The following PTDSS1 variants were observed in gnomAD, a reference collection of about 807,000 sequenced individuals.
PTDSS1 encodes PSS-1.
PTDSS1 carries 45 observed loss-of-function variants against 70.5 expected under a neutral mutation model. The ratio of observed to expected loss-of-function variants is 0.64; its 90% confidence interval spans 0.50 to 0.82. The LOEUF is 0.82. Among genes scored for constraint, PTDSS1 ranks in the 40% least tolerant of loss-of-function variants. The probability of loss-of-function intolerance (pLI) is 0.00; values close to 1 mark genes in which losing one functional copy is unlikely to be tolerated. For synonymous variants in PTDSS1, 188 were observed against 203.8 expected (o/e 0.92, Z 0.66); for missense variants, 417 against 586.1 (o/e 0.71, Z 2.98).
At chr8:96,298,271 A>C (rs1401494362) in intron 5 of PTDSS1, among the ~76,000 whole-genome samples, 1 of 152,094 alleles carries the variant, frequency 6.6e-6, no homozygotes, top group South Asian at 2.1e-4. Flanking sequence ...AAAATTCCTC[A>C]TATTTATAAT....
chr8:96,284,616 G>T (rs998825605), intron 3 of PTDSS1, among the ~76,000 whole-genome samples: 2 of 152,182 alleles, frequency 1.3e-5, no homozygotes, highest in African/African-American at 4.8e-5. Context: ...ACCCTAATTT[G>T]AACTAAGGGT....
chr8:96,262,368 C>T lies in PTDSS1; in HGVS notation c.179+149C>T, dbSNP rs1041555070. ...ACGCACTGGCAGCCCGCCGCCCACG[C>T]GGCCCCTCCGCCCGCCCGGTGTCTC... is the stretch of plus-strand genomic sequence containing the variant. On this transcript the variant is annotated intron_variant, in intron 1 of 12. Coordinates refer to ENST00000517309, the MANE Select transcript of PTDSS1 (RefSeq NM_014754.3). This position sits in a 1 kb window ranked among gnomAD's most constrained non-coding sequence, Gnocchi z 4.4. 1 of 1,077,976 alleles carries T rather than the reference C, an allele frequency of 9.3e-7. No homozygotes were observed. Among genetic ancestry groups the T allele is most frequent in the Non-Finnish European group, 1.3e-6 (1 of 774,856 alleles). 66.8% of individuals were successfully genotyped at this position (1,077,976 alleles called of 1,614,324 possible).
At chr8:96,330,633 C>T (rs753434444) in intron 11 of PTDSS1, 55 of 373,142 alleles carry the variant, frequency 1.5e-4, no homozygotes, top group Non-Finnish European at 2.3e-4. Context: ...TCCTGTGTTC[C>T]GGCCTGTGGC....
chr8:96,287,241 G>C (rs1259993242), intron 4 of PTDSS1, 95 bp downstream of exon 4: 27 of 1,489,796 alleles, frequency 1.8e-5, no homozygotes, highest in South Asian at 1.0e-4. Context: ...TTCCTTCTCT[G>C]TATTTCCTGT....
chr8:96,265,859 A>C (rs1242479169), intron 1 of PTDSS1, among the ~76,000 whole-genome samples: 1 of 152,238 alleles, frequency 6.6e-6, no homozygotes, highest in African/African-American at 2.4e-5. Flanking sequence ...TGGGAAGCCA[A>C]GGTGGGAGGA....
chr8:96,282,753 G>A (rs1301040495), intron 2 of PTDSS1, among the ~76,000 whole-genome samples: 1 of 152,210 alleles, frequency 6.6e-6, no homozygotes, highest in Non-Finnish European at 1.5e-5. Flanking sequence ...AATAAAAATT[G>A]CAGCAGAATG....
chr8:96,277,284 C>T (rs939969682), intron 2 of PTDSS1, among the ~76,000 whole-genome samples: 2 of 152,196 alleles, frequency 1.3e-5, no homozygotes, highest in African/African-American at 2.4e-5. Flanking sequence ...TGAATATTTT[C>T]AAATTAGGGA....
rs1810407243 is a variant in PTDSS1 at position 96,261,946 on chromosome 8, GT to G, written c.-94del. 5.3e-6 allele frequency: 7 copies of G among 1,326,956 alleles called. No homozygotes were observed. In the South Asian group the frequency reaches 8.5e-5, roughly 16 times the overall value. 82.2% of individuals were successfully genotyped at this position (1,326,956 alleles called of 1,614,324 possible). ...GCTGGGCGCCAGACCCGGCTTTGCCGTCCGGCTATTAGCCTACTGTGGCTAG... is the reference window on the plus strand; with the variant it reads ...GCTGGGCGCCAGACCCGGCTTTGCCGCCGGCTATTAGCCTACTGTGGCTAG... On this transcript the variant is annotated 5_prime_UTR_variant, in exon 1 of 13. Transcript: ENST00000517309.
In PTDSS1 at chr8:96,336,662, T is replaced by A. The variant is rs1811597196; in HGVS notation, c.*3096T>A. On this transcript the variant is annotated 3_prime_UTR_variant, in exon 13 of 13. Transcript: ENST00000517309. ...AGAAATCCCACAGTAGACTAGACAG[T>A]GCTCCCTACCATTTCCCATTTATAG... 1 of 151,928 alleles carries A rather than the reference T, an allele frequency of 6.6e-6. No individual in the cohort carries two copies. Among genetic ancestry groups the A allele is most frequent in the Admixed American group, 6.6e-5 (1 of 15,262 alleles). The allele number at this position is 151,928 out of a possible 1,614,324, so 9.4% of individuals were successfully genotyped here.
At chr8:96,328,402 T>G (rs1811468476) in intron 10 of PTDSS1, among the ~76,000 whole-genome samples, 1 of 152,242 alleles carries the variant, frequency 6.6e-6, no homozygotes, top group Non-Finnish European at 1.5e-5. Context: ...CGTTGGTATA[T>G]CTAAGAAATC....
chr8:96,323,580 G>A (rs956069627), intron 10 of PTDSS1, among the ~76,000 whole-genome samples: 9 of 152,228 alleles, frequency 5.9e-5, no homozygotes, highest in Non-Finnish European at 1.2e-4. Flanking sequence ...CTGCTAGAAT[G>A]TGGGAGTAGA....
rs575672463 is a variant in PTDSS1 at position 96,297,765 on chromosome 8, C to T, written c.601-1929C>T. Among the ~76,000 whole-genome samples the T allele has an allele frequency of 5.3e-5, 8 of 152,348 alleles. No homozygotes were observed. The East Asian group carries it at 1.5e-3, about 29-fold the overall frequency. ...CAGCTGGAAATAGAACACCTCGCCA[C>T]TCTCCTTTGAAATGCTCCTCACGTG... On this transcript the variant is annotated intron_variant, in intron 5 of 12. Transcript: ENST00000517309.
At chr8:96,273,075 G>A (rs978243054) in intron 1 of PTDSS1, among the ~76,000 whole-genome samples, 18 of 152,172 alleles carry the variant, frequency 1.2e-4, no homozygotes, top group Non-Finnish European at 2.2e-4. Flanking sequence ...TTATAATCAG[G>A]TCTGTGAAAT....
chr8:96,305,263 G>T (rs1026435603), intron 7 of PTDSS1, among the ~76,000 whole-genome samples: 1 of 152,226 alleles, frequency 6.6e-6, no homozygotes, highest in Non-Finnish European at 1.5e-5. Context: ...TGAGCACTGC[G>T]CTGGGATCAG....
intron 4 of PTDSS1, among the ~76,000 whole-genome samples, chr8:96,291,452 CT>C (rs200644968): frequency 0.019 from 2,367 of 123,560 alleles, 36 homozygotes; most frequent in African/African-American, 0.056. Context: ...ATGGGCTTTT[CT>C]TTTTTTTTTT....
Position 96,288,790 on chromosome 8 carries a change from C to T in PTDSS1, c.441+1644C>T, listed in dbSNP as rs1417205452. On this transcript the variant is annotated intron_variant, in intron 4 of 12. Transcript: ENST00000517309. ...GATTACAGGCATGCACCATCACACTCGGCTAATTTTGTATTTTTAGTAGAG... is the reference window on the plus strand; with the variant it reads ...GATTACAGGCATGCACCATCACACTTGGCTAATTTTGTATTTTTAGTAGAG... 2.0e-5 allele frequency among the ~76,000 whole-genome samples: 3 copies of T among 150,860 alleles called. No individual in the cohort carries two copies. The East Asian group carries it at 5.9e-4, about 30-fold the overall frequency.
At chr8:96,303,294 A>G (rs1415642584) in intron 6 of PTDSS1, among the ~76,000 whole-genome samples, 2 of 152,146 alleles carry the variant, frequency 1.3e-5, no homozygotes, top group African/African-American at 4.8e-5. Flanking sequence ...GTTGGTGGAT[A>G]GGTGGGTGGA....
chr8:96,310,008 C>G (rs1811184942), intron 9 of PTDSS1, among the ~76,000 whole-genome samples: 1 of 151,718 alleles, frequency 6.6e-6, no homozygotes, highest in African/African-American at 2.4e-5. Context: ...ACTAAAAGTA[C>G]AAAAATTAGC....
At chr8:96,263,080 A>G (rs539936898) in intron 1 of PTDSS1, among the ~76,000 whole-genome samples, 3 of 152,202 alleles carry the variant, frequency 2.0e-5, no homozygotes, top group Non-Finnish European at 4.4e-5. Context: ...TGTGTGTTAA[A>G]TGAAACACAT....
Sources: gnomAD v4.1 joint callset for allele counts (sites outside exome capture counted in the v4.1 genomes callset) on GRCh38, gnomAD v4.1.1 for gene constraint, Gnocchi (gnomAD v3.1) non-coding constraint, MANE v1.5 for transcripts, NCBI Gene and HGNC (gene_info 2026-07-23, HGNC 2026-07-21) for gene names.